The following LINGO2 variants were observed in gnomAD, a reference collection of about 807,000 sequenced individuals.
The protein encoded by LINGO2 is leucine rich repeat and Ig domain containing 2, also known as leucine-rich repeat and immunoglobulin-like domain-containing nogo receptor-interacting protein 2.
Under a neutral mutation model 30.6 loss-of-function variants are expected in LINGO2, and 14 were observed. That is an observed-to-expected ratio of 0.46 (90% CI 0.30 to 0.72). The LOEUF is 0.72. Among genes scored for constraint, LINGO2 ranks in the 30% least tolerant of loss-of-function variants. The pLI, the probability that LINGO2 is intolerant of heterozygous loss-of-function variation, is 0.07. For synonymous variants in LINGO2, 317 were observed against 288.5 expected (o/e 1.10, Z -1.00); for missense variants, 729 against 751.7 (o/e 0.97, Z 0.35).
At chr9:28,860,952 T>A in the LINGO2 span, among the ~76,000 whole-genome samples, 48 of 132,964 alleles carry the variant, frequency 3.6e-4, no homozygotes, top group South Asian at 8.2e-3. Flanking sequence ...ATAATATATA[T>A]AATATATTAT....
At chr9:28,371,794 C>G (rs1001226904) in intron 3 of LINGO2, among the ~76,000 whole-genome samples, 2 of 152,052 alleles carry the variant, frequency 1.3e-5, no homozygotes, top group African/African-American at 4.8e-5. Context: ...TCCTCTTTGC[C>G]CCAATTATTT....
chr9:29,008,392 T>C, the LINGO2 span, among the ~76,000 whole-genome samples: 7 of 152,302 alleles, frequency 4.6e-5, no homozygotes, highest in South Asian at 1.4e-3. Flanking sequence ...AACATACACG[T>C]GGATGTGTCT....
chr9:28,269,218 T>A (rs976747044), intron 4 of LINGO2, among the ~76,000 whole-genome samples: 1 of 152,104 alleles, frequency 6.6e-6, no homozygotes, highest in Non-Finnish European at 1.5e-5. Flanking sequence ...TATATACACA[T>A]CTGCCTCTTG....
rs1321007465 is a variant in LINGO2 at position 28,357,805 on chromosome 9, G to A, written c.-246+15031C>T. ...AGAAGAGTGGGGAACTTATCATGGA[G>A]CATTAATTCTACAAATTTTGTGCAT... On this transcript the variant is annotated intron_variant, in intron 3 of 5. Transcript: ENST00000379992. Among the ~76,000 whole-genome samples, 5 of 152,180 alleles carry A rather than the reference G, an allele frequency of 3.3e-5. No individual in the cohort carries two copies. The East Asian group carries it at 9.7e-4, about 29-fold the overall frequency.
the LINGO2 span, among the ~76,000 whole-genome samples, chr9:28,834,461 T>A: frequency 6.6e-6 from 1 of 152,170 alleles, no homozygotes; most frequent in Non-Finnish European, 1.5e-5. Flanking sequence ...TCTATTGTAT[T>A]TCCAAATCCA....
At chr9:28,026,669 C>A (rs996416497) in intron 4 of LINGO2, among the ~76,000 whole-genome samples, 1 of 150,254 alleles carries the variant, frequency 6.7e-6, no homozygotes, top group African/African-American at 2.4e-5. Context: ...GTCAATACAT[C>A]TTACTGTTTC....
At chr9:28,226,548 A>G (rs1213234700) in intron 4 of LINGO2, among the ~76,000 whole-genome samples, 1 of 151,644 alleles carries the variant, frequency 6.6e-6, no homozygotes, top group African/African-American at 2.4e-5. Context: ...GAAATAGAAC[A>G]CATCATTGAG....
rs181646687 is a variant in LINGO2, at chr9:28,357,828, C to T, written c.-246+15008G>A. ...GAGCATTAATTCTACAAATTTTGTG[C>T]ATGGATTTTTCATTCATTGTTCCTA... On this transcript the variant is annotated intron_variant, in intron 3 of 5. Transcript: ENST00000379992. Among the ~76,000 whole-genome samples, 717 of 152,160 alleles carry T rather than the reference C, an allele frequency of 4.7e-3. 1 individual carries two copies. Among genetic ancestry groups the T allele is most frequent in the Admixed American group, 8.1e-3 (124 of 15,272 alleles).
Position 28,227,740 on chromosome 9 carries a change from T to G in LINGO2, c.-87+67468A>C, listed in dbSNP as rs556326574. Among the ~76,000 whole-genome samples the G allele has an allele frequency of 2.6e-5, 4 of 152,230 alleles. No individual in the cohort carries two copies. In the South Asian group the frequency reaches 8.3e-4, roughly 32 times the overall value. Reference sequence around the variant, plus strand: ...CAAACAGATTTTCCACCAGAGGGCTTTTGCTTTGGTTACTATCCTTTTGGG... The same window carrying G: ...CAAACAGATTTTCCACCAGAGGGCTGTTGCTTTGGTTACTATCCTTTTGGG... On this transcript the variant is annotated intron_variant, in intron 4 of 5. Coordinates refer to ENST00000379992, the Ensembl canonical transcript of LINGO2.
the LINGO2 span, among the ~76,000 whole-genome samples, chr9:28,676,408 A>G: frequency 1.1e-4 from 16 of 152,158 alleles, no homozygotes; most frequent in Non-Finnish European, 2.1e-4. Flanking sequence ...TGACAGTACT[A>G]CTTGATTGAC....
downstream of LINGO2, among the ~76,000 whole-genome samples, chr9:27,946,119 T>C (rs571098281): frequency 2.0e-5 from 3 of 152,252 alleles, no homozygotes; most frequent in Non-Finnish European, 1.5e-5. Flanking sequence ...TTAACAGTTA[T>C]AGCACGAAAA....
At chr9:28,914,790 C>T in the LINGO2 span, among the ~76,000 whole-genome samples, 136,385 of 152,236 alleles carry the variant, frequency 0.9, 61,374 homozygotes, top group Non-Finnish European at 0.94. Flanking sequence ...GTTACAAGTA[C>T]AGATCAAACT....
the LINGO2 span, among the ~76,000 whole-genome samples, chr9:29,199,093 C>T: frequency 6.6e-6 from 1 of 152,002 alleles, no homozygotes; most frequent in Admixed American, 6.6e-5. Flanking sequence ...CAGAAGCTGG[C>T]CCCTCTCATT....
At chr9:28,271,875 C>G (rs576718810) in intron 4 of LINGO2, among the ~76,000 whole-genome samples, 43 of 152,258 alleles carry the variant, frequency 2.8e-4, no homozygotes, top group East Asian at 3.9e-4. Context: ...GAAAAACAGT[C>G]CTTATCTCAG....
intron 1 of LINGO2, among the ~76,000 whole-genome samples, chr9:28,557,333 A>C (rs199696625): frequency 0.045 from 6,838 of 152,112 alleles, 475 homozygotes; most frequent in African/African-American, 0.15. Context: ...AAAAGTGGGC[A>C]AAGGACATGA....
chr9:28,319,579 G>A (rs1011479336), intron 3 of LINGO2, among the ~76,000 whole-genome samples: 5 of 152,198 alleles, frequency 3.3e-5, no homozygotes, highest in Admixed American at 2.6e-4. Context: ...CACATACAGC[G>A]TGAATGAATC....
At chr9:28,814,411 G>A in the LINGO2 span, among the ~76,000 whole-genome samples, 18 of 152,060 alleles carry the variant, frequency 1.2e-4, no homozygotes, top group East Asian at 7.8e-4. Flanking sequence ...CACTCCAGCC[G>A]GGCGACAGAG....
chr9:28,736,116 A>G, the LINGO2 span, among the ~76,000 whole-genome samples: 2 of 152,216 alleles, frequency 1.3e-5, no homozygotes, highest in Admixed American at 6.5e-5. Context: ...AAGCAATTAA[A>G]CAGAACTCAA....
At chr9:29,017,618 G>A in the LINGO2 span, among the ~76,000 whole-genome samples, 9 of 152,166 alleles carry the variant, frequency 5.9e-5, no homozygotes, top group South Asian at 1.5e-3. Flanking sequence ...AAGAAACCAC[G>A]TTGGCATGCA....
Sources: allele counts gnomAD v4.1 joint callset (sites outside exome capture counted in the v4.1 genomes callset), GRCh38; gene constraint gnomAD v4.1.1; transcripts MANE v1.5; gene names NCBI Gene and HGNC (gene_info 2026-07-23, HGNC 2026-07-21).